Variants in MAP2 observed in about 807,000 individuals in gnomAD.
MAP2 encodes the protein microtubule-associated protein 2.
A neutral mutation model predicts 137.6 loss-of-function variants in MAP2; 14 were observed. The observed-to-expected ratio is 0.10, with a 90% CI of 0.07 to 0.16. The LOEUF (loss-of-function observed/expected upper bound fraction) is 0.16, where lower values mean the gene tolerates loss of function less well. MAP2 is among the 10% of genes least tolerant of loss of function. The pLI is 1.00. For missense variants in MAP2, 2,088 were observed against 2,191.5 expected (o/e 0.95, Z 0.94); for synonymous variants, 786 against 782.3 (o/e 1.00, Z -0.08).
intron 3 of MAP2, among the ~76,000 whole-genome samples, chr2:209,602,291 T>C (rs1480884750): frequency 6.6e-6 from 1 of 152,236 alleles, no homozygotes; most frequent in Admixed American, 6.5e-5. Context: ...AAAAGACAAA[T>C]GTAAAAACTA....
rs577419111 is a variant in MAP2, at chr2:209,730,319, C to T, written c.5406C>T (p.Ser1802=). 248 of 1,614,096 alleles carry T rather than the reference C, an allele frequency of 1.5e-4. 1 individual carries two copies. The South Asian group carries it at 2.4e-3, about 16-fold the overall frequency. Residue 1802 remains serine (S), a synonymous_variant, in exon 16 of 16, where the codon AGC becomes AGT. Coordinates refer to ENST00000682079, the MANE Select transcript of MAP2 (RefSeq NM_001375505.1). ...RRLSNVSSSG[S]INLLESPQLA... is the part of the protein sequence containing the mutation. ...TCAGCAATGTCTCCTCGTCTGGAAG[C>T]ATCAACCTGCTCGAATCTCCTCAGC...
intron 3 of MAP2, among the ~76,000 whole-genome samples, chr2:209,581,911 A>G (rs930769760): frequency 2.0e-5 from 3 of 152,130 alleles, no homozygotes; most frequent in African/African-American, 4.8e-5. Context: ...TATGCTGACA[A>G]AATGCATATA....
At chr2:209,645,467 C>A (rs1170370123) in intron 4 of MAP2, among the ~76,000 whole-genome samples, 3 of 150,618 alleles carry the variant, frequency 2.0e-5, no homozygotes, top group African/African-American at 7.4e-5. Flanking sequence ...AAAAAAAAAA[C>A]TAAGTAATTT....
intron 5 of MAP2, among the ~76,000 whole-genome samples, chr2:209,668,551 AT>A (rs1464068940): frequency 6.6e-6 from 1 of 152,008 alleles, no homozygotes. Flanking sequence ...ATTCTAGAAT[AT>A]TTTTGACATG....
In MAP2 at chr2:209,539,781, GT is replaced by G. The variant is rs955675613; in HGVS notation, c.-172+32146del. Among the ~76,000 whole-genome samples the G allele has an allele frequency of 1.7e-4, 26 of 151,830 alleles. 2 individuals carry two copies. The highest frequency in any genetic ancestry group is 6.6e-4 in the Admixed American group (10 of 15,244). On this transcript the variant is annotated intron_variant, in intron 2 of 15. Coordinates refer to ENST00000682079, the MANE Select transcript of MAP2 (RefSeq NM_001375505.1). ...TGACAAACTCATGTAAGACTCATTTGTTTTTTGGCTCAAACCACATAAAAGT... is the reference window on the plus strand; with the variant it reads ...TGACAAACTCATGTAAGACTCATTTGTTTTTGGCTCAAACCACATAAAAGT...
chr2:209,620,994 A>G (rs1207634012), intron 3 of MAP2, among the ~76,000 whole-genome samples: 2 of 152,018 alleles, frequency 1.3e-5, no homozygotes, highest in Non-Finnish European at 2.9e-5. Context: ...CAGGAGTTCA[A>G]GACCTGCCTG....
chr2:209,589,033 A>C (rs577545699), intron 3 of MAP2, among the ~76,000 whole-genome samples: 1 of 152,166 alleles, frequency 6.6e-6, no homozygotes, highest in South Asian at 2.1e-4. Context: ...TACATTAAGC[A>C]TGCAATGTTT....
chr2:209,624,910 A>G (rs2091998844), intron 3 of MAP2, 143 bp from the exon 4 acceptor site: 1 of 152,206 alleles, frequency 6.6e-6, no homozygotes, highest in Non-Finnish European at 1.5e-5. Context: ...TGACCACTAT[A>G]AAGAACCATG....
At chr2:209,430,766 A>G (rs2149277575) in intron 1 of MAP2, among the ~76,000 whole-genome samples, 1 of 152,306 alleles carries the variant, frequency 6.6e-6, no homozygotes, top group East Asian at 1.9e-4. Flanking sequence ...AATGCCCTTT[A>G]TCTTCACTTA....
rs534933504 is a variant in MAP2 at position 209,596,408 on chromosome 2, ATTC to A, written c.-107+16311_-107+16313del. 1.2e-4 allele frequency among the ~76,000 whole-genome samples: 19 copies of A among 152,340 alleles called. No individual in the cohort carries two copies. In the East Asian group the frequency reaches 3.5e-3, roughly 28 times the overall value. On this transcript the variant is annotated intron_variant, in intron 3 of 15. Transcript: ENST00000682079. ...ACAATTAGATATATGACTGCTATTC[ATTC>A]TTATTTTCTGCATGCAGTTATTACA...
At chr2:209,637,217 C>T (rs760417145) in intron 4 of MAP2, among the ~76,000 whole-genome samples, 14 of 152,026 alleles carry the variant, frequency 9.2e-5, no homozygotes, top group African/African-American at 3.4e-4. Flanking sequence ...CCAAGGTGGG[C>T]AGATCACTTG....
At chr2:209,537,773 T>C (rs977427370) in intron 2 of MAP2, among the ~76,000 whole-genome samples, 1 of 152,232 alleles carries the variant, frequency 6.6e-6, no homozygotes, top group Non-Finnish European at 1.5e-5. Context: ...GATATTCTTG[T>C]AATTATTTCC....
intron 2 of MAP2, among the ~76,000 whole-genome samples, chr2:209,543,533 T>G (rs891354263): frequency 2.0e-5 from 3 of 152,192 alleles, no homozygotes; most frequent in African/African-American, 7.2e-5. Context: ...AAATGAGGCA[T>G]ACTCAGATAT....
At chr2:209,505,808 C>T (rs1559249599) in intron 1 of MAP2, among the ~76,000 whole-genome samples, 1 of 151,738 alleles carries the variant, frequency 6.6e-6, no homozygotes, top group Non-Finnish European at 1.5e-5. Flanking sequence ...TCCATCTCTA[C>T]AAAAAATACA....
intron 2 of MAP2, among the ~76,000 whole-genome samples, chr2:209,556,866 T>C (rs1438391988): frequency 1.3e-5 from 2 of 152,042 alleles, no homozygotes; most frequent in Non-Finnish European, 2.9e-5. Flanking sequence ...TTTTTAATTA[T>C]TAAGCAATGC....
At chr2:209,533,146 T>C (rs2065391623) in intron 2 of MAP2, among the ~76,000 whole-genome samples, 2 of 152,000 alleles carry the variant, frequency 1.3e-5, no homozygotes, top group South Asian at 4.1e-4. Context: ...TTATAATTTA[T>C]TTTTATTTTT....
chr2:209,686,410 G>A (rs1257740095), intron 7 of MAP2, among the ~76,000 whole-genome samples: 1 of 152,072 alleles, frequency 6.6e-6, no homozygotes, highest in East Asian at 1.9e-4. Context: ...ATAAGTTACT[G>A]TCCTAAAAAT....
rs796889765 is a variant in MAP2 at position 209,493,586 on chromosome 2, C to G, written c.-221-14006C>G. Among the ~76,000 whole-genome samples the G allele has an allele frequency of 3.9e-5, 6 of 152,108 alleles. No individual in the cohort carries two copies. In the East Asian group the frequency reaches 9.7e-4, roughly 25 times the overall value. On this transcript the variant is annotated intron_variant, in intron 1 of 15. Coordinates refer to ENST00000682079, the MANE Select transcript of MAP2 (RefSeq NM_001375505.1). Reference sequence around the variant, plus strand: ...AGTCTACAAGGAACTTAAACAAATTCACAAGAAAAAACAATCCCACCAAAA... The same window carrying G: ...AGTCTACAAGGAACTTAAACAAATTGACAAGAAAAAACAATCCCACCAAAA...
intron 4 of MAP2, among the ~76,000 whole-genome samples, chr2:209,633,748 A>G (rs1225454602): frequency 6.6e-6 from 1 of 152,094 alleles, no homozygotes; most frequent in Non-Finnish European, 1.5e-5. Context: ...GGGATATATG[A>G]CAAAATTTTG....
Sources: allele counts gnomAD v4.1 joint callset (sites outside exome capture counted in the v4.1 genomes callset), GRCh38; gene constraint gnomAD v4.1.1; transcripts MANE v1.5; gene names NCBI Gene and HGNC (gene_info 2026-07-23, HGNC 2026-07-21).